The following OPCML variants were observed in gnomAD, a reference collection of about 807,000 sequenced individuals.
OPCML encodes opioid-binding protein/cell adhesion molecule.
A neutral mutation model predicts 37.8 loss-of-function variants in OPCML; 13 were observed. The observed-to-expected ratio is 0.34, with a 90% CI of 0.22 to 0.55. The LOEUF is 0.55. Ranked by LOEUF, OPCML falls within the 20% of genes least tolerant of loss-of-function variation. The pLI is 0.91. For synonymous variants in OPCML, 176 were observed against 168.8 expected, an observed-to-expected ratio of 1.04 and a Z score of -0.33; for missense variants, 341 against 435.6, an observed-to-expected ratio of 0.78 and a Z score of 1.93.
intron 2 of OPCML, among the ~76,000 whole-genome samples, chr11:132,755,361 C>T (rs542299796): frequency 6.6e-5 from 10 of 152,136 alleles, no homozygotes; most frequent in African/African-American, 2.4e-4. Context: ...ATATAATCAA[C>T]AAACATTCCT....
chr11:132,838,470 A>C (rs1012186175), intron 2 of OPCML, among the ~76,000 whole-genome samples: 16 of 152,202 alleles, frequency 1.1e-4, no homozygotes, highest in African/African-American at 3.9e-4. Flanking sequence ...TCCTGCCTAC[A>C]AGTAATTCAC....
chr11:133,140,994 A>AGAAGAAGAC lies in OPCML; in HGVS notation c.62-197985_62-197984insGTCTTCTTC, dbSNP rs1949802609. ...AAGAAGAAGAAGAAGAAGAAGAAGAAGAAGACGACGACGACGACGACGACG... is the reference window on the plus strand; with the variant it reads ...AAGAAGAAGAAGAAGAAGAAGAAGAAGAAGAAGACGAAGACGACGACGACGACGACGACG... On this transcript the variant is annotated intron_variant, in intron 1 of 7. Transcript: ENST00000524381. Among the ~76,000 whole-genome samples, 8 of 4,090 alleles carry AGAAGAAGAC rather than the reference A, an allele frequency of 2.0e-3. 3 individuals carry two copies. Among genetic ancestry groups the AGAAGAAGAC allele is most frequent in the African/African-American group, 2.6e-3 (6 of 2,326 alleles). The allele number at this position is 4,090 out of a possible 152,430, so 2.7% of individuals were successfully genotyped here.
chr11:132,517,435 G>T (rs1032134395), intron 4 of OPCML, among the ~76,000 whole-genome samples: 4 of 152,192 alleles, frequency 2.6e-5, no homozygotes, highest in Non-Finnish European at 5.9e-5. Flanking sequence ...CATCTGGCCA[G>T]ATGAAGGAGC....
At chr11:133,002,299 C>T (rs73030116) in intron 1 of OPCML, among the ~76,000 whole-genome samples, 12,781 of 152,218 alleles carry the variant, frequency 0.084, 751 homozygotes, top group Non-Finnish European at 0.13. Flanking sequence ...CTTTTCAGAG[C>T]TGCTGAGGTG....
chr11:133,225,266 A>G (rs1208202429), intron 1 of OPCML, among the ~76,000 whole-genome samples: 1 of 152,232 alleles, frequency 6.6e-6, no homozygotes, highest in Non-Finnish European at 1.5e-5. Context: ...CTGATTTCTC[A>G]GTTCACCTTG....
chr11:132,924,244 G>A (rs1264902122), intron 2 of OPCML, among the ~76,000 whole-genome samples: 1 of 152,044 alleles, frequency 6.6e-6, no homozygotes, highest in East Asian at 1.9e-4. Flanking sequence ...CTTGGGGGAT[G>A]GAGGATGGAG....
chr11:133,353,590 G>T (rs1944193222), intron 1 of OPCML, among the ~76,000 whole-genome samples: 1 of 152,196 alleles, frequency 6.6e-6, no homozygotes, highest in African/African-American at 2.4e-5. Context: ...GAATCAGTCT[G>T]TTCAAAGCCT....
intron 1 of OPCML, among the ~76,000 whole-genome samples, chr11:133,054,885 C>A (rs1948197511): frequency 6.6e-6 from 1 of 151,616 alleles, no homozygotes; most frequent in Non-Finnish European, 1.5e-5. Context: ...ATGATACTTC[C>A]AAGTGGTGAG....
chr11:132,970,511 A>AT (rs1431976104), intron 1 of OPCML, among the ~76,000 whole-genome samples: 3 of 152,182 alleles, frequency 2.0e-5, no homozygotes, highest in Non-Finnish European at 2.9e-5. Context: ...CTCCTTTGGA[A>AT]TCTCAGTATT....
At chr11:133,431,297 A>C (rs1386889440) in intron 1 of OPCML, among the ~76,000 whole-genome samples, 1 of 152,208 alleles carries the variant, frequency 6.6e-6, no homozygotes, top group Admixed American at 6.5e-5. Context: ...AATTGAGAAA[A>C]GATGCAAAAC....
intron 2 of OPCML, among the ~76,000 whole-genome samples, chr11:132,888,731 G>A (rs1943521418): frequency 6.6e-6 from 1 of 152,050 alleles, no homozygotes; most frequent in Admixed American, 6.6e-5. Flanking sequence ...TCTTGCTGCT[G>A]TGTAAAGGCA....
chr11:132,656,710 G>A (rs1030711866), intron 3 of OPCML, among the ~76,000 whole-genome samples: 8 of 152,132 alleles, frequency 5.3e-5, no homozygotes, highest in East Asian at 1.9e-4. Context: ...GGCATTATTC[G>A]TCTTTTATCA....
At chr11:133,329,375 A>G (rs1943562713) in intron 1 of OPCML, among the ~76,000 whole-genome samples, 1 of 152,230 alleles carries the variant, frequency 6.6e-6, no homozygotes, top group Non-Finnish European at 1.5e-5. Flanking sequence ...CACATTGCCA[A>G]GTCAATCCTA....
chr11:132,526,575 C>G lies in OPCML; in HGVS notation c.505+2486G>C, dbSNP rs114115295. On this transcript the variant is annotated intron_variant, in intron 4 of 7. Transcript: ENST00000524381. Reference sequence around the variant, plus strand: ...CTATAACAAGGCAGGAGCAAAAATACGTGTTCTCAGTCCACAAAGTAAAAA... The same window carrying G: ...CTATAACAAGGCAGGAGCAAAAATAGGTGTTCTCAGTCCACAAAGTAAAAA... 8.4e-3 allele frequency among the ~76,000 whole-genome samples: 1,281 copies of G among 152,124 alleles called. 13 individuals carry two copies. The highest frequency in any genetic ancestry group is 0.03 in the African/African-American group (1,228 of 41,520).
chr11:132,453,672 G>C lies in OPCML; in HGVS notation c.506-16313C>G, dbSNP rs555617219. Among the ~76,000 whole-genome samples, 12 of 152,318 alleles carry C rather than the reference G, an allele frequency of 7.9e-5. 1 individual carries two copies. In the South Asian group the frequency reaches 2.5e-3, roughly 32 times the overall value. ...TGATTAAGCCCCTCGGCAGGGTTTC[G>C]AGGACAGAGCAGATACTATTTAGCT... On this transcript the variant is annotated intron_variant, in intron 4 of 7. Transcript: ENST00000524381.
chr11:132,500,760 T>A (rs1425160781), intron 4 of OPCML, among the ~76,000 whole-genome samples: 1 of 152,108 alleles, frequency 6.6e-6, no homozygotes, highest in East Asian at 1.9e-4. Flanking sequence ...TGTGTCCACG[T>A]GTTCTCATTG....
chr11:133,069,338 C>A (rs1285122522), intron 1 of OPCML, among the ~76,000 whole-genome samples: 1 of 152,124 alleles, frequency 6.6e-6, no homozygotes, highest in Non-Finnish European at 1.5e-5. Context: ...TGACAGAATG[C>A]AAACTAGAAA....
intron 1 of OPCML, among the ~76,000 whole-genome samples, chr11:133,037,122 GA>G (rs1227161762): frequency 1.3e-5 from 2 of 152,142 alleles, no homozygotes; most frequent in African/African-American, 2.4e-5. Flanking sequence ...TGAGGATAGT[GA>G]AAGGCTGAAA....
chr11:132,937,560 G>C (rs1402914259), intron 2 of OPCML, among the ~76,000 whole-genome samples: 1 of 150,374 alleles, frequency 6.7e-6, no homozygotes, highest in Non-Finnish European at 1.5e-5. Context: ...GAGTGTGTGT[G>C]TGTCGTGTGT....
Sources: gnomAD v4.1 joint callset for allele counts (sites outside exome capture counted in the v4.1 genomes callset) on GRCh38, gnomAD v4.1.1 for gene constraint, MANE v1.5 for transcripts, NCBI Gene and HGNC (gene_info 2026-07-23, HGNC 2026-07-21) for gene names.